The following UBAC2 variants were observed in gnomAD, a reference collection of about 807,000 sequenced individuals.
The protein encoded by UBAC2 is UBA domain containing 2.
Under a neutral mutation model 44.0 loss-of-function variants are expected in UBAC2, and 26 were observed. The observed-to-expected ratio is 0.59, with a 90% CI of 0.43 to 0.82. UBAC2 has a LOEUF of 0.82. Among genes scored for constraint, UBAC2 ranks in the 40% least tolerant of loss-of-function variants. UBAC2 has a pLI of 0.00. For synonymous variants in UBAC2, 155 were observed against 154.3 expected, an observed-to-expected ratio of 1.00 and a Z score of -0.04; for missense variants, 329 against 419.4, an observed-to-expected ratio of 0.78 and a Z score of 1.88.
chr13:99,314,267 T>TC, intron 5 of UBAC2, 47 bp downstream of exon 5: 1 of 1,526,338 alleles, frequency 6.6e-7, no homozygotes, highest in Non-Finnish European at 8.8e-7. Context: ...CAGATCTTTT[T>TC]TTTTTTTTTT....
chr13:99,300,035 T>A (rs2044235402), intron 4 of UBAC2, among the ~76,000 whole-genome samples: 1 of 152,210 alleles, frequency 6.6e-6, no homozygotes, highest in African/African-American at 2.4e-5. Context: ...CAAAGTGGTC[T>A]AGGCTCTAAG....
chr13:99,285,947 C>A (rs1312263699), intron 4 of UBAC2, among the ~76,000 whole-genome samples: 1 of 152,090 alleles, frequency 6.6e-6, no homozygotes, highest in East Asian at 1.9e-4. Context: ...ACTCCCTGAT[C>A]CCTAGACTCT....
intron 4 of UBAC2, among the ~76,000 whole-genome samples, chr13:99,254,464 A>G (rs2043504088): frequency 6.6e-6 from 1 of 152,200 alleles, no homozygotes; most frequent in Admixed American, 6.5e-5. Flanking sequence ...TTTCTTATAT[A>G]GGAATTCTGG....
At chr13:99,240,840 T>C (rs1490336482) in intron 2 of UBAC2, among the ~76,000 whole-genome samples, 1 of 151,992 alleles carries the variant, frequency 6.6e-6, no homozygotes, top group Non-Finnish European at 1.5e-5. Flanking sequence ...TTGCTTGGAG[T>C]AGAGACATAT....
At chr13:99,246,958 C>T (rs1437518256) in intron 4 of UBAC2, among the ~76,000 whole-genome samples, 4 of 152,240 alleles carry the variant, frequency 2.6e-5, no homozygotes, top group African/African-American at 9.6e-5. Flanking sequence ...ATTAGTTCAA[C>T]AAGTAAACTT....
At chr13:99,246,439 T>C (rs2043384232) in intron 4 of UBAC2, among the ~76,000 whole-genome samples, 2 of 152,196 alleles carry the variant, frequency 1.3e-5, no homozygotes, top group Admixed American at 1.3e-4. Flanking sequence ...TCATCAGTTT[T>C]CCCCAAAACA....
chr13:99,360,081 C>A (rs1179555591), intron 7 of UBAC2, among the ~76,000 whole-genome samples: 1 of 151,704 alleles, frequency 6.6e-6, no homozygotes, highest in Non-Finnish European at 1.5e-5. Flanking sequence ...CATAATGCCC[C>A]CTCTGTAATT....
intron 8 of UBAC2, among the ~76,000 whole-genome samples, chr13:99,373,165 TTTA>T (rs1357848393): frequency 1.1e-5 from 1 of 94,716 alleles, no homozygotes; most frequent in Non-Finnish European, 2.5e-5. Context: ...CTCTCTCTTT[TTTA>T]TTGTTTTTTT....
At chr13:99,301,907 A>T (rs541129969) in intron 4 of UBAC2, among the ~76,000 whole-genome samples, 31 of 152,260 alleles carry the variant, frequency 2.0e-4, no homozygotes, top group African/African-American at 6.5e-4. Context: ...GCCCTCTAAT[A>T]TTTATTTATT....
intron 6 of UBAC2, among the ~76,000 whole-genome samples, chr13:99,334,866 A>G (rs911051342): frequency 6.6e-6 from 1 of 152,216 alleles, no homozygotes; most frequent in Non-Finnish European, 1.5e-5. Context: ...AAAAATTGCT[A>G]TATGGTATCT....
chr13:99,249,265 C>A (rs900515519), intron 4 of UBAC2, among the ~76,000 whole-genome samples: 1 of 152,042 alleles, frequency 6.6e-6, no homozygotes, highest in Non-Finnish European at 1.5e-5. Context: ...GTGTTTAGCT[C>A]CCACTTTTAA....
intron 6 of UBAC2, among the ~76,000 whole-genome samples, chr13:99,334,973 G>A (rs1225614946): frequency 6.6e-6 from 1 of 152,134 alleles, no homozygotes; most frequent in Non-Finnish European, 1.5e-5. Context: ...AGCTGAAATG[G>A]CTGTTTTAAG....
At chr13:99,382,364 A>G (rs2138932679) in intron 8 of UBAC2, among the ~76,000 whole-genome samples, 1 of 152,324 alleles carries the variant, frequency 6.6e-6, no homozygotes, top group South Asian at 2.1e-4. Flanking sequence ...AAAATTCCTG[A>G]GTGTTTTCAG....
At chr13:99,224,811 A>G (rs903841762) in intron 1 of UBAC2, among the ~76,000 whole-genome samples, 3 of 152,230 alleles carry the variant, frequency 2.0e-5, no homozygotes, top group Admixed American at 1.3e-4. Context: ...GTTATTCCCT[A>G]GAGTTTAATA....
chr13:99,326,804 G>A (rs1451700848), intron 6 of UBAC2, among the ~76,000 whole-genome samples: 1 of 152,126 alleles, frequency 6.6e-6, no homozygotes, highest in East Asian at 1.9e-4. Context: ...TTCCAGCCAC[G>A]AGATGCACAG....
chr13:99,312,282 CAT>C (rs1013486738), intron 4 of UBAC2, among the ~76,000 whole-genome samples: 1 of 152,174 alleles, frequency 6.6e-6, no homozygotes, highest in African/African-American at 2.4e-5. Context: ...AGAAGTGAAA[CAT>C]ATGTTTTGCA....
chr13:99,261,795 A>G (rs939192412), intron 4 of UBAC2: 1 of 152,434 alleles, frequency 6.6e-6, no homozygotes, highest in Non-Finnish European at 1.5e-5. Context: ...GCAGAACTCC[A>G]TGGTTATTGT....
intron 7 of UBAC2, among the ~76,000 whole-genome samples, chr13:99,357,941 G>A (rs751164038): frequency 5.9e-5 from 9 of 152,186 alleles, no homozygotes; most frequent in Non-Finnish European, 8.8e-5. Context: ...ATGCCAGGTC[G>A]TACAGGAGGC....
intron 1 of UBAC2, among the ~76,000 whole-genome samples, chr13:99,237,267 T>TACACACACACACACAC (rs560517982): frequency 2.6e-4 from 31 of 118,762 alleles, no homozygotes; most frequent in South Asian, 7.4e-4. Context: ...TATATATATA[T>TACACACACACACACAC]ATATACACAC....
Sources: gnomAD v4.1 joint callset for allele counts (sites outside exome capture counted in the v4.1 genomes callset) on GRCh38, gnomAD v4.1.1 for gene constraint, MANE v1.5 for transcripts, NCBI Gene and HGNC (gene_info 2026-07-23, HGNC 2026-07-21) for gene names.